The following LRCH1 variants were observed in gnomAD, a reference collection of about 807,000 sequenced individuals.
The protein encoded by LRCH1 is leucine rich repeats and calponin homology domain containing 1.
In LRCH1, 23 loss-of-function variants were observed where a neutral mutation model predicts 94.9. The ratio of observed to expected loss-of-function variants is 0.24; its 90% CI spans 0.17 to 0.34. The LOEUF (loss-of-function observed/expected upper bound fraction) is 0.34, where lower values mean the gene tolerates loss of function less well. LRCH1 is among the 10% of genes least tolerant of loss of function. The probability of loss-of-function intolerance (pLI) is 1.00; values close to 1 mark genes in which losing one functional copy is unlikely to be tolerated. For missense variants in LRCH1, 790 were observed against 945.9 expected (o/e 0.84, Z 2.16); for synonymous variants, 364 against 354.9 (o/e 1.03, Z -0.29).
intron 1 of LRCH1, among the ~76,000 whole-genome samples, chr13:46,555,291 G>A (rs535180874): frequency 4.6e-5 from 7 of 152,178 alleles, no homozygotes; most frequent in Non-Finnish European, 5.9e-5. Flanking sequence ...AGAGTGTACC[G>A]TGAGCTAGCT....
intron 1 of LRCH1, among the ~76,000 whole-genome samples, chr13:46,637,417 C>T (rs574040311): frequency 2.0e-5 from 3 of 152,262 alleles, no homozygotes; most frequent in South Asian, 2.1e-4. Flanking sequence ...TTACAGTGGC[C>T]GAAAGCTCTA....
intron 13 of LRCH1, among the ~76,000 whole-genome samples, chr13:46,710,456 A>T (rs1872001237): frequency 6.6e-6 from 1 of 152,228 alleles, no homozygotes. Context: ...GACTGTCCAC[A>T]TCAAGTGTGG....
chr13:46,706,346 T>A (rs550762702), intron 13 of LRCH1, among the ~76,000 whole-genome samples: 1 of 152,322 alleles, frequency 6.6e-6, no homozygotes, highest in Admixed American at 6.5e-5. Flanking sequence ...ATAGGGTACC[T>A]AAATGTTAGC....
intron 1 of LRCH1, among the ~76,000 whole-genome samples, chr13:46,575,250 AT>A (rs549494734): frequency 4.3e-4 from 65 of 149,736 alleles, no homozygotes; most frequent in Admixed American, 2.0e-3. Flanking sequence ...AATTGTATTA[AT>A]TTTTTTTTTA....
At chr13:46,569,064 C>T (rs2050214719) in intron 1 of LRCH1, among the ~76,000 whole-genome samples, 1 of 150,160 alleles carries the variant, frequency 6.7e-6, no homozygotes, top group Non-Finnish European at 1.5e-5. Flanking sequence ...GTTCTTTAAT[C>T]TTTATTTTCC....
chr13:46,670,171 T>C (rs1236331604), intron 3 of LRCH1, among the ~76,000 whole-genome samples: 1 of 152,230 alleles, frequency 6.6e-6, no homozygotes, highest in Non-Finnish European at 1.5e-5. Flanking sequence ...TAATAATTGC[T>C]GTAGAAAGAC....
chr13:46,722,853 A>T (rs769040713), intron 16 of LRCH1, among the ~76,000 whole-genome samples: 15 of 152,258 alleles, frequency 9.9e-5, no homozygotes, highest in Admixed American at 2.0e-4. Context: ...GAAATAAATT[A>T]TCTGAATTTA....
chr13:46,653,758 G>A (rs956854937), intron 2 of LRCH1, among the ~76,000 whole-genome samples: 4 of 152,100 alleles, frequency 2.6e-5, no homozygotes, highest in Non-Finnish European at 5.9e-5. Flanking sequence ...GGAGGTTGAA[G>A]CTGCGGTGAG....
intron 1 of LRCH1, among the ~76,000 whole-genome samples, chr13:46,622,078 A>G (rs144846014): frequency 3.6e-4 from 55 of 152,324 alleles, no homozygotes; most frequent in African/African-American, 1.2e-3. Flanking sequence ...AGTCTTGAAT[A>G]AACTGAATTA....
chr13:46,714,291 G>A (rs1305635575), intron 15 of LRCH1, among the ~76,000 whole-genome samples: 2 of 152,202 alleles, frequency 1.3e-5, no homozygotes, highest in Non-Finnish European at 2.9e-5. Context: ...GGATCATCAA[G>A]TGACATGTGG....
At chr13:46,675,435 A>G (rs1010598362) in intron 3 of LRCH1, among the ~76,000 whole-genome samples, 16 of 152,206 alleles carry the variant, frequency 1.1e-4, no homozygotes, top group African/African-American at 3.6e-4. Context: ...ATAAGAGAAC[A>G]CAGTATCTCT....
At chr13:46,662,831 T>C (rs1313330727) in intron 2 of LRCH1, among the ~76,000 whole-genome samples, 1 of 152,234 alleles carries the variant, frequency 6.6e-6, no homozygotes, top group Non-Finnish European at 1.5e-5. Context: ...GAAAATGCAC[T>C]GTGAAATAAA....
intron 1 of LRCH1, among the ~76,000 whole-genome samples, chr13:46,614,031 A>G (rs1398050241): frequency 2.0e-5 from 3 of 152,006 alleles, no homozygotes; most frequent in Non-Finnish European, 4.4e-5. Context: ...AGTATACAAC[A>G]TGATATTTGA....
intron 1 of LRCH1, among the ~76,000 whole-genome samples, chr13:46,619,363 G>A (rs2050853876): frequency 6.6e-6 from 1 of 152,098 alleles, no homozygotes; most frequent in African/African-American, 2.4e-5. Flanking sequence ...CGCCTGCTTG[G>A]CCTCCCAAAG....
At chr13:46,716,218 G>T (rs1872312729) in intron 16 of LRCH1, among the ~76,000 whole-genome samples, 1 of 151,900 alleles carries the variant, frequency 6.6e-6, no homozygotes, top group Non-Finnish European at 1.5e-5. Context: ...TTGAGTATAG[G>T]TTCATCTTTT....
At chr13:46,584,178 G>T (rs1372204231) in intron 1 of LRCH1, among the ~76,000 whole-genome samples, 1 of 152,064 alleles carries the variant, frequency 6.6e-6, no homozygotes, top group African/African-American at 2.4e-5. Context: ...TCACCACTGG[G>T]GTGGTTCTAA....
At chr13:46,568,545 A>G (rs1326539184) in intron 1 of LRCH1, among the ~76,000 whole-genome samples, 4 of 152,212 alleles carry the variant, frequency 2.6e-5, no homozygotes, top group Non-Finnish European at 5.9e-5. Flanking sequence ...TCATGCCAAG[A>G]AACCCTCTTA....
chr13:46,698,963 C>T lies in LRCH1; in HGVS notation c.1246-373C>T, dbSNP rs998537945. 2.6e-5 allele frequency among the ~76,000 whole-genome samples: 4 copies of T among 152,238 alleles called. No homozygotes were observed. The South Asian group carries it at 8.3e-4, about 32-fold the overall frequency. ...TTAAATAACAACTCCCTCGTTCCTT[C>T]CCGGCAGCCCCTGGCAGCAAGCATT... On this transcript the variant is annotated intron_variant, in intron 9 of 19. Transcript: ENST00000389797.
At chr13:46,657,225 C>A (rs940720533) in intron 2 of LRCH1, among the ~76,000 whole-genome samples, 7 of 151,520 alleles carry the variant, frequency 4.6e-5, no homozygotes, top group Non-Finnish European at 8.8e-5. Flanking sequence ...GTTTATTCTG[C>A]CAGCCCCAAA....
Sources: allele counts gnomAD v4.1 joint callset (sites outside exome capture counted in the v4.1 genomes callset), GRCh38; gene constraint gnomAD v4.1.1; transcripts MANE v1.5; gene names NCBI Gene and HGNC (gene_info 2026-07-23, HGNC 2026-07-21).